The following MSH3 variants were observed in gnomAD, a reference collection of about 807,000 sequenced individuals.
MSH3 encodes DNA mismatch repair protein Msh3.
In MSH3, 106 loss-of-function variants were observed where a neutral mutation model predicts 123.3. That is an observed-to-expected ratio of 0.86 (90% CI 0.73 to 1.01). MSH3 has a LOEUF of 1.01. Among genes scored for constraint, MSH3 ranks in the 50% least tolerant of loss-of-function variants. The probability of loss-of-function intolerance (pLI) is 0.00; values close to 1 mark genes in which losing one functional copy is unlikely to be tolerated. For missense variants in MSH3, 1,459 were observed against 1,347.6 expected (o/e 1.08, Z -1.29); for synonymous variants, 515 against 481.4 (o/e 1.07, Z -0.91).
At chr5:80,837,946 G>A (rs1467594987) in intron 20 of MSH3, among the ~76,000 whole-genome samples, 1 of 152,150 alleles carries the variant, frequency 6.6e-6, no homozygotes, top group Non-Finnish European at 1.5e-5. Context: ...TCAGCTTCTT[G>A]CCAGCTGTAG....
At chr5:80,866,053 G>A (rs551942437) in intron 22 of MSH3, among the ~76,000 whole-genome samples, 24 of 152,334 alleles carry the variant, frequency 1.6e-4, no homozygotes, top group Non-Finnish European at 2.9e-4. Flanking sequence ...AGTCAGTGCC[G>A]CTAATACGCA....
intron 13 of MSH3, among the ~76,000 whole-genome samples, chr5:80,767,423 T>C (rs1744141711): frequency 1.3e-5 from 2 of 152,176 alleles, no homozygotes; most frequent in African/African-American, 4.8e-5. Context: ...AAGTGAAAAA[T>C]GCTATCCTAT....
chr5:80,798,656 CT>C (rs1353182160), intron 19 of MSH3, among the ~76,000 whole-genome samples: 1 of 152,168 alleles, frequency 6.6e-6, no homozygotes, highest in Non-Finnish European at 1.5e-5. Context: ...GATTAAAATT[CT>C]AGGAAACATT....
intron 10 of MSH3, among the ~76,000 whole-genome samples, chr5:80,741,233 G>GT (rs975622549): frequency 1.4e-3 from 206 of 147,464 alleles, no homozygotes; most frequent in African/African-American, 4.3e-3. Flanking sequence ...TCCTGTTCTT[G>GT]TTTTTTTTTT....
At chr5:80,702,516 A>C (rs916358763) in intron 8 of MSH3, among the ~76,000 whole-genome samples, 8 of 152,190 alleles carry the variant, frequency 5.3e-5, no homozygotes, top group African/African-American at 1.7e-4. Context: ...GTTTGTGTCC[A>C]GCCATGACAT....
At chr5:80,860,442 T>G (rs1250987698) in intron 21 of MSH3, among the ~76,000 whole-genome samples, 1 of 107,614 alleles carries the variant, frequency 9.3e-6, no homozygotes, top group Non-Finnish European at 2.1e-5. Flanking sequence ...AGAGGTTTGT[T>G]GTTTTTTTTT....
intron 9 of MSH3, among the ~76,000 whole-genome samples, chr5:80,726,974 T>A (rs928696622): frequency 6.6e-6 from 1 of 152,294 alleles, no homozygotes; most frequent in South Asian, 2.1e-4. Flanking sequence ...TTTGTGGCAG[T>A]GCCCGGGAGA....
At chr5:80,867,600 A>G (rs1191535203) in intron 22 of MSH3, among the ~76,000 whole-genome samples, 1 of 152,202 alleles carries the variant, frequency 6.6e-6, no homozygotes, top group Non-Finnish European at 1.5e-5. Context: ...TATAAAATCA[A>G]GGTTTTCTTA....
At chr5:80,864,665 T>C in intron 21 of MSH3, 148 bp from the exon 22 acceptor site, 1 of 642,416 alleles carries the variant, frequency 1.6e-6, no homozygotes. Context: ...ATTGATTATC[T>C]AGGTAAACAG....
intron 10 of MSH3, among the ~76,000 whole-genome samples, chr5:80,733,389 T>C (rs1268975120): frequency 6.6e-6 from 1 of 152,144 alleles, no homozygotes; most frequent in Non-Finnish European, 1.5e-5. Context: ...AAAACATAGG[T>C]GTAAATCTTT....
At chr5:80,815,373 GA>G (rs541224958) in intron 20 of MSH3, among the ~76,000 whole-genome samples, 17 of 139,506 alleles carry the variant, frequency 1.2e-4, no homozygotes, top group African/African-American at 1.9e-4. Context: ...ATTTAGTAAA[GA>G]AAAAAAAAAG....
At chr5:80,665,832 T>G (rs1749556584) in intron 3 of MSH3, among the ~76,000 whole-genome samples, 1 of 152,202 alleles carries the variant, frequency 6.6e-6, no homozygotes, top group African/African-American at 2.4e-5. Flanking sequence ...CTATTTGTTT[T>G]GAGACTTTTA....
Position 80,768,969 on chromosome 5 carries a change from CTT to C in MSH3, c.2220_2221del (p.Ser741CysfsTer26), listed in dbSNP as rs1422044734. ...GAAATACGAAAAATACTAAAAAATC[CTT>C]CTGCACAATATGTGACAGTATCAGG... is the stretch of plus-strand genomic sequence containing the variant. On this transcript the variant is annotated frameshift_variant, in exon 15 of 24. Transcript: ENST00000265081. LOFTEE classifies it high-confidence loss of function. 1 of 1,612,976 alleles carries C rather than the reference CTT, an allele frequency of 6.2e-7. No individual in the cohort carries two copies. The highest frequency in any genetic ancestry group is 1.1e-5 in the South Asian group (1 of 91,018).
At chr5:80,853,120 C>T (rs1745856581) in intron 20 of MSH3, among the ~76,000 whole-genome samples, 1 of 152,094 alleles carries the variant, frequency 6.6e-6, no homozygotes, top group African/African-American at 2.4e-5. Context: ...CTCTGGAAGA[C>T]ATTTCAGGGA....
chr5:80,679,198 A>G, intron 8 of MSH3, 105 bp downstream of exon 8: 1 of 1,237,210 alleles, frequency 8.1e-7, no homozygotes, highest in Non-Finnish European at 1.2e-6. Context: ...ACTTACAAAA[A>G]TTATATTTCC....
chr5:80,692,300 TTAGA>T (rs200489843), intron 8 of MSH3, among the ~76,000 whole-genome samples: 21 of 11,702 alleles, frequency 1.8e-3, no homozygotes, highest in Admixed American at 5.8e-3. Flanking sequence ...CATGTATATG[TTAGA>T]TAGATAAACA....
At chr5:80,861,002 G>A (rs1416734225) in intron 21 of MSH3, among the ~76,000 whole-genome samples, 6 of 152,000 alleles carry the variant, frequency 3.9e-5, no homozygotes, top group South Asian at 2.1e-4. Context: ...TTGATCTCTC[G>A]TTTCCTTTTG....
At chr5:80,839,129 G>T (rs1385999479) in intron 20 of MSH3, among the ~76,000 whole-genome samples, 1 of 152,156 alleles carries the variant, frequency 6.6e-6, no homozygotes, top group Non-Finnish European at 1.5e-5. Flanking sequence ...CACTTTGAGA[G>T]GCTGAGGCAG....
At chr5:80,865,441 A>G (rs552297621) in intron 22 of MSH3, among the ~76,000 whole-genome samples, 17 of 152,280 alleles carry the variant, frequency 1.1e-4, no homozygotes, top group African/African-American at 3.6e-4. Context: ...GACCATGTCA[A>G]CCACTTAGAT....
Sources: allele counts gnomAD v4.1 joint callset (sites outside exome capture counted in the v4.1 genomes callset), GRCh38; gene constraint gnomAD v4.1.1; transcripts MANE v1.5; gene names NCBI Gene and HGNC (gene_info 2026-07-23, HGNC 2026-07-21).